NUP210L: variants seen among roughly 807,000 people sequenced by gnomAD.
NUP210L encodes nucleoporin 210 like, also known as nuclear pore membrane glycoprotein 210-like.
In NUP210L, 74 loss-of-function variants were observed where a neutral mutation model predicts 208.5. The ratio of observed to expected loss-of-function variants is 0.35; its 90% CI spans 0.29 to 0.43. NUP210L has a LOEUF of 0.43. NUP210L is among the 20% of genes least tolerant of loss of function. The pLI is 1.00. For missense variants in NUP210L, 1,843 were observed against 2,289.4 expected, an observed-to-expected ratio of 0.81 and a Z score of 3.98; for synonymous variants, 780 against 816.9, an observed-to-expected ratio of 0.95 and a Z score of 0.77.
At chr1:154,105,433 GA>G (rs1291880709) in intron 12 of NUP210L, among the ~76,000 whole-genome samples, 2 of 149,458 alleles carry the variant, frequency 1.3e-5, no homozygotes, top group African/African-American at 5.0e-5. Flanking sequence ...AGGTTGCAGT[GA>G]GCCGAGATCA....
At chr1:154,139,740 C>A in intron 5 of NUP210L, 62 bp downstream of exon 5, 1 of 1,249,556 alleles carries the variant, frequency 8.0e-7, no homozygotes, top group Non-Finnish European at 1.1e-6. Flanking sequence ...ACCTGGGCAA[C>A]AGAGTTAGAC....
chr1:154,099,618 A>G (rs1202795736), intron 14 of NUP210L, among the ~76,000 whole-genome samples: 1 of 152,218 alleles, frequency 6.6e-6, no homozygotes, highest in Non-Finnish European at 1.5e-5. Context: ...TCTTCAAAAG[A>G]GAGTACACTA....
chr1:154,046,489 G>T, intron 25 of NUP210L, 120 bp from the exon 26 acceptor site: 1 of 779,276 alleles, frequency 1.3e-6, no homozygotes, highest in Non-Finnish European at 2.2e-6. Flanking sequence ...CCTTGCCCAT[G>T]CTTATTGCAG....
intron 14 of NUP210L, among the ~76,000 whole-genome samples, chr1:154,098,048 G>C (rs1656259436): frequency 1.3e-5 from 2 of 152,214 alleles, no homozygotes; most frequent in South Asian, 4.1e-4. Flanking sequence ...ACAGGTGTGT[G>C]AGTGAGGAAG....
Position 154,118,317 on chromosome 1 carries a change from A to AAAAG in NUP210L, c.1464+350_1464+353dup, listed in dbSNP as rs539965654. On this transcript the variant is annotated intron_variant, in intron 11 of 39. Coordinates refer to ENST00000368559, the Ensembl canonical transcript of NUP210L. ...AGAGCAAAACTCTGTCTCAGAAAAA[A>AAAAG]AAAGAAAGAAAGAAAGAAAAGAAAC... Among the ~76,000 whole-genome samples, 428 of 152,274 alleles carry AAAAG rather than the reference A, an allele frequency of 2.8e-3. 1 individual carries two copies. The highest frequency in any genetic ancestry group is 9.0e-3 in the African/African-American group (373 of 41,562).
At chr1:154,052,723 T>G (rs1307649306) in intron 25 of NUP210L, among the ~76,000 whole-genome samples, 3 of 152,238 alleles carry the variant, frequency 2.0e-5, no homozygotes, top group Non-Finnish European at 1.5e-5. Context: ...CATATTGCCC[T>G]CAAAAACCTA....
chr1:154,117,975 T>C, intron 11 of NUP210L, 95 bp from the exon 12 acceptor site: 1 of 837,406 alleles, frequency 1.2e-6, no homozygotes, highest in Non-Finnish European at 1.9e-6. Context: ...GTTTACAAAA[T>C]AGTAACATAA....
intron 35 of NUP210L, among the ~76,000 whole-genome samples, chr1:154,006,903 TATATACAC>T (rs1388696199): frequency 2.8e-4 from 40 of 141,196 alleles, no homozygotes; most frequent in African/African-American, 9.5e-4. Context: ...CATATACATA[TATATACAC>T]ATATACACAT....
At chr1:154,060,751 G>T in intron 19 of NUP210L, 110 bp from the exon 20 acceptor site, 2 of 823,012 alleles carry the variant, frequency 2.4e-6, no homozygotes, top group Non-Finnish European at 1.9e-6. Context: ...AGATTAAAGT[G>T]AATAGACAAA....
chr1:154,096,317 G>A lies in NUP210L; in HGVS notation c.1966-1161C>T, dbSNP rs373651630. Among the ~76,000 whole-genome samples the A allele has an allele frequency of 4.8e-4, 73 of 152,250 alleles. No individual in the cohort carries two copies. The South Asian group carries it at 0.014, about 29-fold the overall frequency. On this transcript the variant is annotated intron_variant, in intron 14 of 39. Transcript: ENST00000368559. ...CTGAAAATTTCTATCCCTGATGGTA[G>A]TATTCTCTTAAATAATGTATATATA...
chr1:154,073,267 G>A (rs546060856), intron 16 of NUP210L, among the ~76,000 whole-genome samples: 6 of 151,942 alleles, frequency 3.9e-5, no homozygotes, highest in South Asian at 2.1e-4. Flanking sequence ...TTGTAGAGAC[G>A]GGGTCTCACT....
intron 32 of NUP210L, among the ~76,000 whole-genome samples, chr1:154,020,024 A>G (rs886676471): frequency 2.0e-5 from 3 of 152,182 alleles, no homozygotes; most frequent in African/African-American, 4.8e-5. Flanking sequence ...CTCATTGCCA[A>G]CCTTAAAGTA....
chr1:154,013,083 AG>A (rs1330405564), intron 33 of NUP210L, among the ~76,000 whole-genome samples: 1 of 150,586 alleles, frequency 6.6e-6, no homozygotes, highest in African/African-American at 2.4e-5. Flanking sequence ...AAAAAAAAAA[AG>A]ACAGGGTCTC....
intron 38 of NUP210L, 65 bp downstream of exon 38, chr1:153,995,011 C>CAAAAA: frequency 1.7e-5 from 12 of 724,270 alleles, no homozygotes; most frequent in East Asian, 9.9e-5. Context: ...AACTCCATCT[C>CAAAAA]AAAAAAAAAA....
In NUP210L at chr1:154,147,356, C is replaced by CT. The variant is rs531968849; in HGVS notation, c.341-3780dup. Among the ~76,000 whole-genome samples, 311 of 146,684 alleles carry CT rather than the reference C, an allele frequency of 2.1e-3. 1 individual carries two copies. Among genetic ancestry groups the CT allele is most frequent in the African/African-American group, 7.0e-3 (282 of 40,156 alleles). On this transcript the variant is annotated intron_variant, in intron 2 of 39. Coordinates refer to ENST00000368559, the Ensembl canonical transcript of NUP210L. ...TTCTATATACAACATCTGACCAGTA[C>CT]TTTTTTTTTTTCCTTTAAACAAGGT...
intron 25 of NUP210L, among the ~76,000 whole-genome samples, chr1:154,048,550 G>A (rs1264680107): frequency 2.0e-5 from 3 of 152,160 alleles, no homozygotes; most frequent in Non-Finnish European, 2.9e-5. Context: ...AACCGATTTT[G>A]GGAAATGCCA....
chr1:154,073,858 A>AAATAAATT (rs1553231775), intron 16 of NUP210L, among the ~76,000 whole-genome samples: 6 of 140,460 alleles, frequency 4.3e-5, no homozygotes, highest in Admixed American at 7.4e-5. Context: ...ATAAATAAAT[A>AAATAAATT]AATTCAATGG....
intron 16 of NUP210L, among the ~76,000 whole-genome samples, chr1:154,071,543 T>C (rs1485712258): frequency 2.0e-5 from 3 of 151,850 alleles, no homozygotes; most frequent in Non-Finnish European, 4.4e-5. Context: ...CACACGATGT[T>C]TGGTTTTCCA....
intron 16 of NUP210L, among the ~76,000 whole-genome samples, chr1:154,072,329 T>C (rs1329086242): frequency 8.8e-6 from 1 of 113,528 alleles, no homozygotes; most frequent in Non-Finnish European, 2.1e-5. Context: ...GGCCATTCCT[T>C]TTTTTTTTTT....
Sources: gnomAD v4.1 joint callset for allele counts (sites outside exome capture counted in the v4.1 genomes callset) on GRCh38, gnomAD v4.1.1 for gene constraint, MANE v1.5 for transcripts, NCBI Gene and HGNC (gene_info 2026-07-23, HGNC 2026-07-21) for gene names.